Variants in TRIM2 observed in about 807,000 individuals in gnomAD.
The protein encoded by TRIM2 is tripartite motif containing 2.
A neutral mutation model predicts 75.2 loss-of-function variants in TRIM2; 20 were observed. That is an observed-to-expected ratio of 0.27 (90% CI 0.19 to 0.39). The LOEUF is 0.39. Ranked by LOEUF, TRIM2 falls within the 10% of genes least tolerant of loss-of-function variation. The pLI is 1.00. For missense variants in TRIM2, 660 were observed against 990.8 expected, an observed-to-expected ratio of 0.67 and a Z score of 4.48; for synonymous variants, 373 against 388.3, an observed-to-expected ratio of 0.96 and a Z score of 0.46.
chr4:153,309,950 G>A (rs1442687408), intron 6 of TRIM2: 3 of 152,020 alleles, frequency 2.0e-5, no homozygotes, highest in Non-Finnish European at 4.4e-5. Context: ...ATATTAAGTT[G>A]GAGTGGGTGG....
intron 1 of TRIM2, among the ~76,000 whole-genome samples, chr4:153,225,867 T>C (rs1741965465): frequency 6.6e-6 from 1 of 152,188 alleles, no homozygotes; most frequent in Non-Finnish European, 1.5e-5. Context: ...CTGCCTTTGG[T>C]TGTTTGTGGT....
intron 1 of TRIM2, among the ~76,000 whole-genome samples, chr4:153,173,665 AAAT>A (rs986043764): frequency 9.3e-5 from 14 of 149,774 alleles, no homozygotes; most frequent in South Asian, 6.3e-4. Context: ...CTCCGTCTCA[AAAT>A]AATAATAATA....
At chr4:153,309,208 T>A (rs1210009474) in intron 6 of TRIM2, among the ~76,000 whole-genome samples, 1 of 152,172 alleles carries the variant, frequency 6.6e-6, no homozygotes, top group Non-Finnish European at 1.5e-5. Flanking sequence ...AATGTAATTA[T>A]CTTCACCACC....
rs982779841 is a variant in TRIM2 at position 153,335,184 on chromosome 4, T to C, written c.*218T>C. Reference sequence around the variant, plus strand: ...AAAAAAAACTCTTCTACTGAATCTATAAAAACTGCAGTTTTACATCTGTGA... The same window carrying C: ...AAAAAAAACTCTTCTACTGAATCTACAAAAACTGCAGTTTTACATCTGTGA... On this transcript the variant is annotated 3_prime_UTR_variant, in exon 12 of 12. Transcript: ENST00000338700. The C allele has an allele frequency of 4.8e-6, 6 of 1,238,180 alleles. No homozygotes were observed. The highest frequency in any genetic ancestry group is 3.3e-5 in the South Asian group (1 of 30,558). The allele number at this position is 1,238,180 out of a possible 1,614,324, so 76.7% of individuals were successfully genotyped here. A position where few individuals can be genotyped will look rare whatever the true frequency, so the allele number is the denominator to read the frequency against.
intron 1 of TRIM2, among the ~76,000 whole-genome samples, chr4:153,252,699 G>A (rs1293055509): frequency 5.3e-5 from 8 of 152,238 alleles, no homozygotes; most frequent in African/African-American, 1.4e-4. Context: ...TATTAGTGAC[G>A]GGGTTTCACT....
intron 1 of TRIM2, among the ~76,000 whole-genome samples, chr4:153,163,818 C>CTTTTTTTTTTTTTTTTTTTTTTTTTTTT (rs1730012863): frequency 7.6e-6 from 1 of 131,874 alleles, no homozygotes; most frequent in Admixed American, 8.9e-5. Context: ...CATCTTAAAA[C>CTTTTTTTTTTTTTTTTTTTTTTTTTTTT]GTGCTGCAAA....
intron 11 of TRIM2, among the ~76,000 whole-genome samples, chr4:153,331,094 G>A (rs1345274866): frequency 5.9e-5 from 9 of 152,270 alleles, no homozygotes; most frequent in Middle Eastern, 3.4e-3. Context: ...GGCCAAGGTG[G>A]GAAGATTGCT....
At chr4:153,153,256 G>A (rs1298959646) in exon 1 of TRIM2, 3 of 152,276 alleles carry the variant, frequency 2.0e-5, no homozygotes, top group African/African-American at 7.2e-5. Context: ...CGCGCTTCGG[G>A]ACGCAATTGG....
intron 1 of TRIM2, among the ~76,000 whole-genome samples, chr4:153,191,541 A>G (rs1172346999): frequency 6.6e-6 from 1 of 152,282 alleles, no homozygotes; most frequent in South Asian, 2.1e-4. Flanking sequence ...ACTGAGTTGT[A>G]TGGGGATTCC....
upstream of TRIM2, chr4:153,152,208 G>A (rs1000519719): frequency 1.3e-5 from 2 of 152,078 alleles, no homozygotes; most frequent in African/African-American, 4.8e-5. Context: ...AGTCGCAGTT[G>A]TCAAGGGAAC....
intron 9 of TRIM2, among the ~76,000 whole-genome samples, chr4:153,323,207 T>C (rs1053933969): frequency 3.3e-5 from 5 of 152,206 alleles, no homozygotes; most frequent in Non-Finnish European, 7.3e-5. Flanking sequence ...CCTTTCTAGG[T>C]TATTGTAAGA....
intron 10 of TRIM2, 31 bp from the exon 11 acceptor site, chr4:153,328,499 A>G: frequency 6.3e-7 from 1 of 1,574,890 alleles, no homozygotes; most frequent in Non-Finnish European, 8.6e-7. Context: ...TTTTGATGTA[A>G]AACAAAATAA....
intron 1 of TRIM2, among the ~76,000 whole-genome samples, chr4:153,182,339 C>T (rs1029389528): frequency 6.6e-6 from 1 of 152,232 alleles, no homozygotes; most frequent in Admixed American, 6.5e-5. Context: ...GATGTAATTG[C>T]CCACAAATGG....
chr4:153,250,002 G>C (rs559190215), intron 1 of TRIM2, among the ~76,000 whole-genome samples: 11 of 152,208 alleles, frequency 7.2e-5, no homozygotes, highest in African/African-American at 2.6e-4. Flanking sequence ...GCGTGCTTTT[G>C]CTTTTTGTTA....
At chr4:153,207,007 A>G (rs1735653122) in intron 1 of TRIM2, among the ~76,000 whole-genome samples, 1 of 152,116 alleles carries the variant, frequency 6.6e-6, no homozygotes, top group South Asian at 2.1e-4. Context: ...CTCCCGCCTC[A>G]GCCTACCAAA....
intron 10 of TRIM2, among the ~76,000 whole-genome samples, chr4:153,326,284 C>T (rs997711848): frequency 1.3e-5 from 2 of 152,108 alleles, no homozygotes; most frequent in African/African-American, 4.8e-5. Context: ...TCTGAAAACT[C>T]TTCAAGTTTT....
At chr4:153,280,568 T>G (rs1759091762) in intron 3 of TRIM2, among the ~76,000 whole-genome samples, 2 of 151,974 alleles carry the variant, frequency 1.3e-5, no homozygotes, top group African/African-American at 4.8e-5. Flanking sequence ...AAGTTTTTGT[T>G]GAGAAAAGGT....
chr4:153,226,740 G>C (rs1220071548), intron 1 of TRIM2, among the ~76,000 whole-genome samples: 3 of 152,130 alleles, frequency 2.0e-5, no homozygotes, highest in Non-Finnish European at 4.4e-5. Context: ...TTGAGGACCA[G>C]GAAGCAAACA....
At chr4:153,252,801 C>T (rs1188833241) in intron 1 of TRIM2, among the ~76,000 whole-genome samples, 1 of 152,254 alleles carries the variant, frequency 6.6e-6, no homozygotes, top group Non-Finnish European at 1.5e-5. Flanking sequence ...AGCCACCACT[C>T]CTGGCCTATG....
Sources: gnomAD v4.1 joint callset for allele counts (sites outside exome capture counted in the v4.1 genomes callset) on GRCh38, gnomAD v4.1.1 for gene constraint, MANE v1.5 for transcripts, NCBI Gene and HGNC (gene_info 2026-07-23, HGNC 2026-07-21) for gene names.